The following PPP3CA variants were observed in gnomAD, a reference collection of about 807,000 sequenced individuals.
PPP3CA encodes the protein CAM-PRP catalytic subunit.
Under a neutral mutation model 66.5 loss-of-function variants are expected in PPP3CA, and 14 were observed. The ratio of observed to expected loss-of-function variants is 0.21; its 90% CI spans 0.14 to 0.33. The LOEUF (loss-of-function observed/expected upper bound fraction) is 0.33. PPP3CA is among the 10% of genes least tolerant of loss of function. The pLI is 1.00. For missense variants in PPP3CA, 317 were observed against 639.5 expected (o/e 0.50, Z 5.44); for synonymous variants, 232 against 226.2 (o/e 1.03, Z -0.23).
chr4:101,284,354 G>A (rs938905168), intron 1 of PPP3CA, among the ~76,000 whole-genome samples: 4 of 151,500 alleles, frequency 2.6e-5, no homozygotes, highest in Non-Finnish European at 4.4e-5. Context: ...CTGGGTCACA[G>A]AATCATGGAA....
At chr4:101,184,981 T>C (rs1203524291) in intron 2 of PPP3CA, among the ~76,000 whole-genome samples, 1 of 151,972 alleles carries the variant, frequency 6.6e-6, no homozygotes, top group East Asian at 1.9e-4. Context: ...AGGCAAAAAA[T>C]TGCAAGCTAT....
rs139292698 is a variant in PPP3CA, at chr4:101,225,961, T to C, written c.59-29845A>G. Among the ~76,000 whole-genome samples the C allele has an allele frequency of 4.4e-3, 672 of 151,894 alleles. 4 individuals are homozygous for C. The highest frequency in any genetic ancestry group is 0.015 in the African/African-American group (636 of 41,518). On this transcript the variant is annotated intron_variant, in intron 1 of 13. Transcript: ENST00000394854. The stretch of plus-strand genomic sequence containing the variant: ...ATGATGAGCGTGACAAAACCTGTAT[T>C]TCCTTTTAATAGAAAATAGTTATGG...
chr4:101,283,413 C>A (rs1727746190), intron 1 of PPP3CA, among the ~76,000 whole-genome samples: 1 of 152,080 alleles, frequency 6.6e-6, no homozygotes, highest in Non-Finnish European at 1.5e-5. Context: ...TGTTATAAAT[C>A]ATTAGTCTCT....
At chr4:101,342,221 G>A (rs1729840346) in intron 1 of PPP3CA, among the ~76,000 whole-genome samples, 1 of 152,238 alleles carries the variant, frequency 6.6e-6, no homozygotes, top group Admixed American at 6.5e-5. Context: ...GATGTCTTAA[G>A]ATAAACTGTC....
chr4:101,318,097 C>T (rs760043942), intron 1 of PPP3CA, among the ~76,000 whole-genome samples: 1 of 152,120 alleles, frequency 6.6e-6, no homozygotes, highest in African/African-American at 2.4e-5. Context: ...ATAAATTGCC[C>T]ACTCAAAATG....
At chr4:101,097,848 A>G (rs561483732) in intron 5 of PPP3CA, among the ~76,000 whole-genome samples, 3 of 152,318 alleles carry the variant, frequency 2.0e-5, no homozygotes, top group African/African-American at 7.2e-5. Context: ...TCTTACAAAT[A>G]CTTCTTAAAA....
intron 1 of PPP3CA, among the ~76,000 whole-genome samples, chr4:101,338,930 T>C (rs1729721418): frequency 6.6e-6 from 1 of 152,254 alleles, no homozygotes; most frequent in Admixed American, 6.5e-5. Flanking sequence ...TTTTTAAGAA[T>C]ATATCTTGCT....
intron 10 of PPP3CA, among the ~76,000 whole-genome samples, chr4:101,059,203 A>G (rs1408055488): frequency 6.6e-6 from 1 of 152,172 alleles, no homozygotes; most frequent in Non-Finnish European, 1.5e-5. Flanking sequence ...CTGTGGCTAT[A>G]ACATATGAAA....
intron 13 of PPP3CA, among the ~76,000 whole-genome samples, chr4:101,028,302 A>C (rs1413384211): frequency 6.6e-6 from 1 of 152,202 alleles, no homozygotes; most frequent in Non-Finnish European, 1.5e-5. Context: ...TAAATATTAA[A>C]AACTATTTTG....
chr4:101,193,025 T>G (rs1349268047), intron 2 of PPP3CA, among the ~76,000 whole-genome samples: 1 of 152,234 alleles, frequency 6.6e-6, no homozygotes, highest in Non-Finnish European at 1.5e-5. Context: ...CACATTTTGG[T>G]TTTAAATTAG....
Position 101,346,811 on chromosome 4 carries a change from G to T in PPP3CA, c.-15C>A, listed in dbSNP as rs1295837856. Reference sequence around the variant, plus strand: ...GGCTCGGACATCTCCAGCTGCCGGAGGACAGCGACGCGCTGCTCGTCCGTC... The same window carrying T: ...GGCTCGGACATCTCCAGCTGCCGGATGACAGCGACGCGCTGCTCGTCCGTC... On this transcript the variant is annotated 5_prime_UTR_variant, in exon 1 of 14. Coordinates refer to ENST00000394854, the MANE Select transcript of PPP3CA (RefSeq NM_000944.5). 7 of 1,608,970 alleles carry T rather than the reference G, an allele frequency of 4.4e-6. No homozygotes were observed. Among genetic ancestry groups the T allele is most frequent in the Non-Finnish European group, 5.9e-6 (7 of 1,178,186 alleles).
At chr4:101,045,333 G>A (rs1727713683) in intron 10 of PPP3CA, among the ~76,000 whole-genome samples, 1 of 152,208 alleles carries the variant, frequency 6.6e-6, no homozygotes, top group Non-Finnish European at 1.5e-5. Flanking sequence ...GATATTGAGT[G>A]TATTCCTTCT....
chr4:101,257,736 G>A (rs1026185576), intron 1 of PPP3CA, among the ~76,000 whole-genome samples: 2 of 151,982 alleles, frequency 1.3e-5, no homozygotes, highest in African/African-American at 2.4e-5. Context: ...TACCATAAAT[G>A]TACTATTTGT....
chr4:101,285,390 C>T (rs543887248), intron 1 of PPP3CA, among the ~76,000 whole-genome samples: 21 of 151,658 alleles, frequency 1.4e-4, no homozygotes, highest in African/African-American at 5.1e-4. Flanking sequence ...TCTAATATCA[C>T]TAATCTGTAA....
Position 101,259,812 on chromosome 4 carries a change from C to T in PPP3CA, c.59-63696G>A, listed in dbSNP as rs147890134. The stretch of plus-strand genomic sequence containing the variant: ...AAAATAAGTTGTCAATCTTCTGCCA[C>T]ACGCTCTCTTCTCTTACACTGGTAT... On this transcript the variant is annotated intron_variant, in intron 1 of 13. Transcript: ENST00000394854. 1.2e-4 allele frequency among the ~76,000 whole-genome samples: 19 copies of T among 152,270 alleles called. 1 individual carries two copies. In the East Asian group the frequency reaches 3.7e-3, roughly 29 times the overall value.
chr4:101,090,816 T>C (rs901545463), intron 6 of PPP3CA, among the ~76,000 whole-genome samples: 2 of 150,982 alleles, frequency 1.3e-5, no homozygotes, highest in African/African-American at 2.4e-5. Context: ...CGTCTGTGTC[T>C]AATGCCGTAA....
At chr4:101,037,798 A>T (rs907252825) in intron 11 of PPP3CA, among the ~76,000 whole-genome samples, 9 of 152,272 alleles carry the variant, frequency 5.9e-5, no homozygotes, top group Admixed American at 5.2e-4. Context: ...ACACTCAAGG[A>T]TATGGACTTC....
chr4:101,090,362 G>C (rs1729858649), intron 6 of PPP3CA, among the ~76,000 whole-genome samples: 1 of 152,052 alleles, frequency 6.6e-6, no homozygotes, highest in African/African-American at 2.4e-5. Flanking sequence ...AATGAGGCTG[G>C]GTGCAGTGGC....
intron 1 of PPP3CA, among the ~76,000 whole-genome samples, chr4:101,243,395 C>T (rs1239339129): frequency 6.6e-6 from 1 of 152,084 alleles, no homozygotes; most frequent in Non-Finnish European, 1.5e-5. Context: ...CAGACTGGGG[C>T]TGTGGAAATA....
Sources: gnomAD v4.1 joint callset for allele counts (sites outside exome capture counted in the v4.1 genomes callset) on GRCh38, gnomAD v4.1.1 for gene constraint, MANE v1.5 for transcripts, NCBI Gene and HGNC (gene_info 2026-07-23, HGNC 2026-07-21) for gene names.